Variants in C22orf31 observed in about 807,000 individuals in gnomAD.
The protein encoded by C22orf31 is chromosome 22 open reading frame 31.
In C22orf31, 11 loss-of-function variants were observed where a neutral mutation model predicts 15.0. The observed-to-expected ratio is 0.73, with a 90% CI of 0.46 to 1.21. The LOEUF is 1.21. Among genes scored for constraint, C22orf31 ranks in the 50% most tolerant of loss-of-function variants. C22orf31 has a pLI of 0.00. For synonymous variants in C22orf31, 132 were observed against 133.3 expected, an observed-to-expected ratio of 0.99 and a Z score of 0.07; for missense variants, 340 against 347.2, an observed-to-expected ratio of 0.98 and a Z score of 0.17.
chr22:29,067,895 G>A, the C22orf31 span, among the ~76,000 whole-genome samples: 1 of 152,060 alleles, frequency 6.6e-6, no homozygotes, highest in Non-Finnish European at 1.5e-5. Context: ...ACAAATGTGA[G>A]CCACCATACC....
the C22orf31 span, among the ~76,000 whole-genome samples, chr22:29,066,911 C>T: frequency 6.6e-6 from 1 of 152,056 alleles, no homozygotes; most frequent in Non-Finnish European, 1.5e-5. Context: ...TCAGAGGTGC[C>T]CACCTGGATG....
rs766166471 is a variant in C22orf31 at position 29,058,821 on chromosome 22, C to T, written c.794G>A (p.Arg265Gln). The T allele has an allele frequency of 5.6e-6, 9 of 1,614,064 alleles. No homozygotes were observed. Among genetic ancestry groups the T allele is most frequent in the East Asian group, 2.2e-5 (1 of 44,894 alleles). ...GAISEGAQRDRFPGRKQPGVH... is the reference protein window; with the variant it reads ...GAISEGAQRDQFPGRKQPGVH... ...ACCTGGCTGCTTCCTGCCAGGGAACCGGTCCCTCTGAGCACCTTCAGAGAT... is the reference window on the plus strand; with the variant it reads ...ACCTGGCTGCTTCCTGCCAGGGAACTGGTCCCTCTGAGCACCTTCAGAGAT... Residue 265 changes from arginine to glutamine, a missense_variant, in exon 3 of 3, where the codon CGG becomes CAG. Arg to Gln is a conservative substitution (Grantham distance 43, BLOSUM62 1). Transcript: ENST00000216071.
At position 29,060,611 on chromosome 22, in the gene C22orf31, A is replaced by G; in HGVS notation, c.236T>C (p.Leu79Pro). 1.2e-6 allele frequency: 2 copies of G among 1,614,144 alleles called. No homozygotes were observed. Among genetic ancestry groups the G allele is most frequent in the Non-Finnish European group, 8.5e-7 (1 of 1,180,004 alleles). ...LIASSFSLVK[L>P]VLRRQLKNKC... ...ATTCTTCAGTTGCCGCCTGAGTACA[A>G]GCTTAACCAGGGAGAAGGAACTGGC... Residue 79 changes from leucine (L) to proline (P), a missense_variant, in exon 2 of 3, where the codon CTT becomes CCT. Coordinates refer to ENST00000216071, the MANE Select transcript of C22orf31 (RefSeq NM_015370.2).
At chr22:29,071,753 C>A in the C22orf31 span, among the ~76,000 whole-genome samples, 1 of 152,150 alleles carries the variant, frequency 6.6e-6, no homozygotes, top group Non-Finnish European at 1.5e-5. Context: ...CAGGGGAAGA[C>A]CTTGCCGGGG....
chr22:29,073,532 G>GC, the C22orf31 span, among the ~76,000 whole-genome samples: 1 of 151,900 alleles, frequency 6.6e-6, no homozygotes, highest in South Asian at 2.1e-4. This position sits in a 1 kb window ranked among gnomAD's most constrained non-coding sequence, Gnocchi z 4.4. Context: ...CCTCTGCGAC[G>GC]CCCCCCGGGC....
At chr22:29,062,723 C>T (rs2037403395), upstream of C22orf31, among the ~76,000 whole-genome samples, 1 of 152,094 alleles carries the variant, frequency 6.6e-6, no homozygotes, top group Admixed American at 6.5e-5. Context: ...GAATCAGAGC[C>T]TGCAGGCGGA....
the C22orf31 span, among the ~76,000 whole-genome samples, chr22:29,071,163 G>T: frequency 8.9e-4 from 135 of 151,326 alleles, 3 homozygotes; most frequent in Non-Finnish European, 2.8e-4. Flanking sequence ...GCAGGAGGTG[G>T]GGGGGGCGGT....
intron 1 of C22orf31, among the ~76,000 whole-genome samples, chr22:29,061,359 C>T (rs2037389651): frequency 2.0e-5 from 3 of 152,098 alleles, no homozygotes; most frequent in Non-Finnish European, 2.9e-5. Flanking sequence ...CTCCGCCTCC[C>T]GGGCTCAAGG....
upstream of C22orf31, among the ~76,000 whole-genome samples, chr22:29,063,371 G>A (rs1318734296): frequency 1.3e-5 from 2 of 152,024 alleles, no homozygotes; most frequent in East Asian, 3.9e-4. Context: ...TCACCATGTT[G>A]GCCCAGCTGG....
At chr22:29,072,410 T>A in the C22orf31 span, among the ~76,000 whole-genome samples, 1 of 152,188 alleles carries the variant, frequency 6.6e-6, no homozygotes, top group Non-Finnish European at 1.5e-5. Flanking sequence ...ACAGGAGTTG[T>A]TAGCCACCGC....
chr22:29,060,032 TTTTTTTTTTTTA>T lies in C22orf31; in HGVS notation c.432+371_432+382del. 4.4e-6 allele frequency: 4 copies of T among 907,730 alleles called. No homozygotes were observed. The African/African-American group carries it at 7.9e-5, about 18-fold the overall frequency. The allele number at this position is 907,730 out of a possible 1,614,324, so 56.2% of individuals were successfully genotyped here. A position where few individuals can be genotyped will look rare whatever the true frequency, so the allele number is the denominator to read the frequency against. ...TCTTTTTTTCTTTTCTTTTTTTTTT[TTTTTTTTTTTTA>T]TTTTTTAGACAGGGTCTTGCTCTGT... On this transcript the variant is annotated intron_variant, in intron 2 of 2. Transcript: ENST00000216071.
At chr22:29,062,113 C>G (rs1244044230), upstream of C22orf31, among the ~76,000 whole-genome samples, 1 of 152,160 alleles carries the variant, frequency 6.6e-6, no homozygotes, top group African/African-American at 2.4e-5. Flanking sequence ...CTTCTAGCCT[C>G]AGAAACTTCT....
At chr22:29,065,659 T>G (rs770631172), upstream of C22orf31, among the ~76,000 whole-genome samples, 1 of 152,234 alleles carries the variant, frequency 6.6e-6, no homozygotes, top group East Asian at 1.9e-4. Flanking sequence ...TAGCTGAAGA[T>G]AAGATAAGGA....
At chr22:29,062,856 G>T (rs548810526), upstream of C22orf31, among the ~76,000 whole-genome samples, 1 of 152,056 alleles carries the variant, frequency 6.6e-6, no homozygotes, top group East Asian at 1.9e-4. Flanking sequence ...GAGCTGGGTC[G>T]ATTTTAGAGC....
At chr22:29,062,411 T>G (rs376683288), upstream of C22orf31, among the ~76,000 whole-genome samples, 3 of 152,140 alleles carry the variant, frequency 2.0e-5, no homozygotes, top group Admixed American at 1.3e-4. Context: ...CTACATGGTT[T>G]CTGGAATGTG....
At chr22:29,064,675 A>ATTTTTTTTTTT (rs563569423), upstream of C22orf31, among the ~76,000 whole-genome samples, 2 of 51,326 alleles carry the variant, frequency 3.9e-5, no homozygotes, top group African/African-American at 7.2e-5. Flanking sequence ...TTGCCCAGTG[A>ATTTTTTTTTTT]TTTTTTTTTT....
upstream of C22orf31, among the ~76,000 whole-genome samples, chr22:29,062,306 G>C (rs2037398983): frequency 6.6e-6 from 1 of 152,142 alleles, no homozygotes; most frequent in Non-Finnish European, 1.5e-5. Flanking sequence ...GCACTGTTAA[G>C]TTCTCAGAAC....
the C22orf31 span, among the ~76,000 whole-genome samples, chr22:29,073,577 G>T: frequency 6.6e-6 from 1 of 151,696 alleles, no homozygotes; most frequent in Non-Finnish European, 1.5e-5. The surrounding 1 kb of genome is among the most constrained non-coding windows in gnomAD (Gnocchi z 4.4). Context: ...TCTGGGACCC[G>T]CTGCCCGAGT....
At chr22:29,060,979 T>C (rs2037385189) in intron 1 of C22orf31, 136 bp from the exon 2 acceptor site, 1 of 712,908 alleles carries the variant, frequency 1.4e-6, no homozygotes, top group Non-Finnish European at 2.3e-6. Flanking sequence ...AAATTTACTA[T>C]ATGTCCTCTC....
Sources: gnomAD v4.1 joint callset for allele counts (sites outside exome capture counted in the v4.1 genomes callset) on GRCh38, gnomAD v4.1.1 for gene constraint, Gnocchi (gnomAD v3.1) non-coding constraint, MANE v1.5 for transcripts, NCBI Gene and HGNC (gene_info 2026-07-23, HGNC 2026-07-21) for gene names.